The following HNF4A variants were observed in gnomAD, a reference collection of about 807,000 sequenced individuals.
The protein encoded by HNF4A is hepatocyte nuclear factor 4-alpha.
HNF4A carries 15 observed loss-of-function variants against 52.4 expected under a neutral mutation model. The observed-to-expected ratio is 0.29, with a 90% confidence interval of 0.19 to 0.44. The LOEUF (loss-of-function observed/expected upper bound fraction) is 0.44, where lower values mean the gene tolerates loss of function less well. HNF4A is among the 20% of genes least tolerant of loss of function. The pLI is 1.00. For synonymous variants in HNF4A, 280 were observed against 264.4 expected (o/e 1.06, Z -0.57); for missense variants, 479 against 647.2 (o/e 0.74, Z 2.82).
chr20:44,372,476 C>T (rs111967010), intron 1 of HNF4A, among the ~76,000 whole-genome samples: 121 of 152,332 alleles, frequency 7.9e-4, no homozygotes, highest in African/African-American at 2.8e-3. Flanking sequence ...GGCATGTCTT[C>T]TAGAATTCTC....
chr20:44,416,268 G>A (rs2063663439), intron 5 of HNF4A, among the ~76,000 whole-genome samples: 1 of 152,206 alleles, frequency 6.6e-6, no homozygotes, highest in African/African-American at 2.4e-5. Flanking sequence ...GAAAGTCGGG[G>A]GCATTGTCCT....
intron 8 of HNF4A, among the ~76,000 whole-genome samples, chr20:44,425,656 C>CTTTTTTTT (rs10657596): frequency 7.7e-6 from 1 of 129,474 alleles, no homozygotes; most frequent in Non-Finnish European, 1.6e-5. Context: ...TTCTTTTTTC[C>CTTTTTTTT]TTTTTTTTTT....
chr20:44,396,690 T>C (rs2063356458), upstream of HNF4A, among the ~76,000 whole-genome samples: 1 of 152,200 alleles, frequency 6.6e-6, no homozygotes, highest in Non-Finnish European at 1.5e-5. Context: ...TGTCATGCAA[T>C]CAATGACCAA....
intron 1 of HNF4A, among the ~76,000 whole-genome samples, chr20:44,361,063 C>G (rs947715350): frequency 6.6e-6 from 1 of 152,164 alleles, no homozygotes; most frequent in Admixed American, 6.6e-5. Flanking sequence ...GCTGTTCCCA[C>G]CCTTCATTCT....
At chr20:44,359,242 C>T (rs565067678) in intron 1 of HNF4A, among the ~76,000 whole-genome samples, 1 of 152,194 alleles carries the variant, frequency 6.6e-6, no homozygotes, top group Admixed American at 6.5e-5. Flanking sequence ...CTCTTGCCTT[C>T]CTTCCTCTCT....
chr20:44,433,425 A>C (rs1368798617), downstream of HNF4A: 1 of 152,842 alleles, frequency 6.5e-6, no homozygotes, highest in Admixed American at 6.6e-5. Flanking sequence ...TCACCTCTGT[A>C]ATCCCAGCAC....
rs987833522 is a variant in HNF4A, at chr20:44,370,019, GT to G, written c.49+14174del. Among the ~76,000 whole-genome samples, 15 of 151,240 alleles carry G rather than the reference GT, an allele frequency of 9.9e-5. No homozygotes were observed. In the South Asian group the frequency reaches 3.2e-3, roughly 32 times the overall value. ...CTGCAGTCAGCCACACTGGACTTTT[GT>G]TTTTTTTGTTTGTTTGTTTGTTTTG... On this transcript the variant is annotated intron_variant, in intron 1 of 9. Transcript: ENST00000316673.
At chr20:44,385,985 G>A (rs186075243) in intron 1 of HNF4A, among the ~76,000 whole-genome samples, 61 of 148,038 alleles carry the variant, frequency 4.1e-4, no homozygotes, top group East Asian at 3.1e-3. Context: ...TCAGCCTCCC[G>A]AGTAGCTGGG....
intron 1 of HNF4A, among the ~76,000 whole-genome samples, chr20:44,405,096 G>GGACTGTGTGGTGCGTATGTGTA (rs1321988450): frequency 9.1e-5 from 1 of 11,034 alleles, no homozygotes; most frequent in South Asian, 2.2e-3. Context: ...GCGTGTGTGT[G>GGACTGTGTGGTGCGTATGTGTA]CTTGTGCGTA....
At chr20:44,415,574 T>G (rs2063652152) in intron 5 of HNF4A, among the ~76,000 whole-genome samples, 1 of 152,174 alleles carries the variant, frequency 6.6e-6, no homozygotes, top group South Asian at 2.1e-4. Flanking sequence ...CCTTCTCAGC[T>G]TCGGAGACAG....
rs954425409 is a variant in HNF4A, at chr20:44,432,491, C to T, written c.*2826C>T. Reference sequence around the variant, plus strand: ...CTGATCTTCAGGCGGGTCTCAGGAGCTTCTAAAAATCCGCATGGCTCTCCT... The same window carrying T: ...CTGATCTTCAGGCGGGTCTCAGGAGTTTCTAAAAATCCGCATGGCTCTCCT... On this transcript the variant is annotated 3_prime_UTR_variant, in exon 10 of 10. Transcript: ENST00000316099. 1 of 151,418 alleles carries T rather than the reference C, an allele frequency of 6.6e-6. No homozygotes were observed. The highest frequency in any genetic ancestry group is 2.4e-5 in the African/African-American group (1 of 41,148). The allele number at this position is 151,418 out of a possible 1,614,324, so 9.4% of individuals were successfully genotyped here. A position where few individuals can be genotyped will look rare whatever the true frequency, so the allele number is the denominator to read the frequency against.
chr20:44,420,057 C>T (rs1281695615), intron 7 of HNF4A, among the ~76,000 whole-genome samples, 181 bp downstream of exon 7: 3 of 152,134 alleles, frequency 2.0e-5, no homozygotes, highest in East Asian at 3.9e-4. Context: ...TATGGCCGGG[C>T]GCAGTGGCTC....
chr20:44,424,447 C>G, intron 8 of HNF4A, 193 bp downstream of exon 8: 1 of 1,081,010 alleles, frequency 9.3e-7, no homozygotes, highest in Middle Eastern at 2.8e-4. Flanking sequence ...GTTCAGGCAC[C>G]GAGAACCTAG....
At chr20:44,402,317 G>A (rs2063421099) in intron 1 of HNF4A, among the ~76,000 whole-genome samples, 1 of 152,156 alleles carries the variant, frequency 6.6e-6, no homozygotes, top group Admixed American at 6.6e-5. Flanking sequence ...GAGCACATGC[G>A]TTTGTGCATG....
chr20:44,413,840 C>A, intron 4 of HNF4A, 40 bp downstream of exon 4: 1 of 1,374,202 alleles, frequency 7.3e-7, no homozygotes, highest in Non-Finnish European at 1.0e-6. Context: ...GGATCCCCCA[C>A]ACTACAGAGG....
At chr20:44,379,512 G>A (rs901397584) in intron 1 of HNF4A, among the ~76,000 whole-genome samples, 1 of 151,832 alleles carries the variant, frequency 6.6e-6, no homozygotes, top group Non-Finnish European at 1.5e-5. Context: ...CATCCTAATG[G>A]GTGTGAGGTG....
Position 44,406,114 on chromosome 20 carries a change from G to T in HNF4A, c.172G>T (p.Ala58Ser), listed in dbSNP as rs376906221. 2.5e-6 allele frequency: 4 copies of T among 1,613,490 alleles called. No homozygotes were observed. Among genetic ancestry groups the T allele is most frequent in the African/African-American group, 1.3e-5 (1 of 74,918 alleles). Reference sequence around the variant, plus strand: ...CGCGCCCAACAGCCTGGGTGTCAGCGCCCTGTGTGCCATCTGCGGGGACCG... The same window carrying T: ...CGCGCCCAACAGCCTGGGTGTCAGCTCCCTGTGTGCCATCTGCGGGGACCG... Residue 58 changes from alanine to serine, a missense_variant, in exon 2 of 10, where the codon GCC becomes TCC. This residue lies in a region of HNF4A where 90 missense variants were observed against 105.5 expected (regional missense o/e 0.85). Coordinates refer to ENST00000316099, the MANE Select transcript of HNF4A (RefSeq NM_000457.6).
At chr20:44,384,647 GGTT>G (rs1260285055) in intron 1 of HNF4A, 1 of 152,194 alleles carries the variant, frequency 6.6e-6, no homozygotes, top group African/African-American at 2.4e-5. Context: ...GTGTGACACA[GGTT>G]GTTTCTGCTC....
At chr20:44,398,408 A>G (rs535355782), upstream of HNF4A, among the ~76,000 whole-genome samples, 2 of 152,248 alleles carry the variant, frequency 1.3e-5, no homozygotes, top group Non-Finnish European at 2.9e-5. Flanking sequence ...GTTTAAATAA[A>G]CTATGTAGTA....
Sources: allele counts gnomAD v4.1 joint callset (sites outside exome capture counted in the v4.1 genomes callset), GRCh38; gene constraint gnomAD v4.1.1; regional missense constraint gnomAD v4.1.1; transcripts MANE v1.5; gene names NCBI Gene and HGNC (gene_info 2026-07-23, HGNC 2026-07-21).